Variants in RFTN2 observed in about 807,000 individuals in gnomAD.
RFTN2 encodes raftlin-2.
A neutral mutation model predicts 52.7 loss-of-function variants in RFTN2; 34 were observed. The ratio of observed to expected loss-of-function variants is 0.64; its 90% CI spans 0.49 to 0.86. The LOEUF (loss-of-function observed/expected upper bound fraction) is 0.86. Among genes scored for constraint, RFTN2 ranks in the 40% least tolerant of loss-of-function variants. The probability of loss-of-function intolerance (pLI) is 0.00; values close to 1 mark genes in which losing one functional copy is unlikely to be tolerated. For synonymous variants in RFTN2, 203 were observed against 217.7 expected (o/e 0.93, Z 0.59); for missense variants, 536 against 600.1 (o/e 0.89, Z 1.12).
At chr2:197,670,528 T>C (rs1328159632) in intron 1 of RFTN2, among the ~76,000 whole-genome samples, 4 of 152,190 alleles carry the variant, frequency 2.6e-5, no homozygotes, top group Non-Finnish European at 4.4e-5. Context: ...AATTAAAAAA[T>C]AAGCCAGGCA....
In RFTN2 at chr2:197,571,658, G is replaced by T; in HGVS notation, c.*350C>A. ...ACTTCCTGAGAACTCTCTCTAATTG[G>T]GTAAAATACTGATTGAGATATTCAG... is the stretch of plus-strand genomic sequence containing the variant. On this transcript the variant is annotated 3_prime_UTR_variant, in exon 9 of 9. Transcript: ENST00000295049. 4.3e-6 allele frequency: 1 copy of T among 231,986 alleles called. No individual in the cohort carries two copies. The highest frequency in any genetic ancestry group is 8.5e-6 in the Non-Finnish European group (1 of 118,196). 14.4% of individuals were successfully genotyped at this position (231,986 alleles called of 1,614,324 possible).
In RFTN2 at chr2:197,592,305, C is replaced by G. The variant is rs2087729333; in HGVS notation, c.1233+3686G>C. The stretch of plus-strand genomic sequence containing the variant: ...CTGCTTCCCAGGTTCAAGCAATTCT[C>G]CTGCCTCAGCTTCCTGAGTAGCTGG... On this transcript the variant is annotated intron_variant, in intron 8 of 8. Coordinates refer to ENST00000295049, the MANE Select transcript of RFTN2 (RefSeq NM_144629.3). 2.0e-5 allele frequency among the ~76,000 whole-genome samples: 3 copies of G among 152,212 alleles called. No homozygotes were observed. The South Asian group carries it at 6.2e-4, about 32-fold the overall frequency.
chr2:197,590,057 G>A (rs1016380222), intron 8 of RFTN2, among the ~76,000 whole-genome samples: 5 of 150,162 alleles, frequency 3.3e-5, no homozygotes, highest in East Asian at 3.9e-4. Flanking sequence ...ACCCGTGTGC[G>A]CCACCATGCC....
intron 1 of RFTN2, among the ~76,000 whole-genome samples, chr2:197,674,339 CAAAA>C (rs1222944678): frequency 1.2e-4 from 4 of 34,252 alleles, no homozygotes; most frequent in African/African-American, 2.4e-4. Flanking sequence ...TAGAGCAAAG[CAAAA>C]AAAAAAAAAA....
intron 8 of RFTN2, among the ~76,000 whole-genome samples, chr2:197,587,756 A>G (rs2087625425): frequency 6.6e-6 from 1 of 152,228 alleles, no homozygotes; most frequent in Admixed American, 6.5e-5. Context: ...ATCTTCAGCA[A>G]TCATATCACC....
chr2:197,674,958 A>G (rs1052834020), intron 1 of RFTN2, among the ~76,000 whole-genome samples: 3 of 152,180 alleles, frequency 2.0e-5, no homozygotes, highest in Admixed American at 6.5e-5. Flanking sequence ...ATAATACCTT[A>G]TTGTGATTTT....
At chr2:197,627,245 C>T (rs1229000217) in intron 5 of RFTN2, among the ~76,000 whole-genome samples, 2 of 152,212 alleles carry the variant, frequency 1.3e-5, no homozygotes, top group African/African-American at 4.8e-5. Flanking sequence ...TCCAGCTGCC[C>T]AGTCTCAGTG....
intron 8 of RFTN2, among the ~76,000 whole-genome samples, chr2:197,577,297 C>G (rs984396645): frequency 1.3e-5 from 2 of 152,232 alleles, no homozygotes; most frequent in African/African-American, 2.4e-5. Context: ...CTCATATATT[C>G]GGGGTTCACA....
chr2:197,624,338 G>T (rs2088317459), intron 5 of RFTN2, among the ~76,000 whole-genome samples: 1 of 151,942 alleles, frequency 6.6e-6, no homozygotes, highest in Non-Finnish European at 1.5e-5. Context: ...GGTGACTCAT[G>T]CCTGTAATCC....
At chr2:197,614,294 G>A (rs2088107461) in intron 7 of RFTN2, among the ~76,000 whole-genome samples, 1 of 152,172 alleles carries the variant, frequency 6.6e-6, no homozygotes, top group African/African-American at 2.4e-5. Flanking sequence ...TGGCGTGGCA[G>A]AGATAAGAGA....
chr2:197,630,215 TAC>T (rs2088446178), intron 5 of RFTN2, among the ~76,000 whole-genome samples: 1 of 137,796 alleles, frequency 7.3e-6, no homozygotes, highest in South Asian at 2.3e-4. Flanking sequence ...AGGTAATAAA[TAC>T]TAGGCTGATT....
At chr2:197,625,876 C>T (rs1422866971) in intron 5 of RFTN2, among the ~76,000 whole-genome samples, 6 of 151,136 alleles carry the variant, frequency 4.0e-5, no homozygotes, top group Non-Finnish European at 8.9e-5. Context: ...ACTGCAACCT[C>T]CACCTCCCAG....
chr2:197,639,473 A>C (rs1450809882), intron 3 of RFTN2, among the ~76,000 whole-genome samples: 33 of 148,130 alleles, frequency 2.2e-4, no homozygotes, highest in African/African-American at 8.2e-4. Context: ...TTCCCTTCTC[A>C]CTTCATTTCA....
At chr2:197,638,278 A>C (rs1199261439) in intron 3 of RFTN2, among the ~76,000 whole-genome samples, 7 of 102,064 alleles carry the variant, frequency 6.9e-5, no homozygotes, top group African/African-American at 9.5e-5. Context: ...AGCTGAGTTC[A>C]ATTCCTGGGT....
intron 8 of RFTN2, among the ~76,000 whole-genome samples, chr2:197,574,845 G>A (rs998656179): frequency 6.6e-6 from 1 of 151,152 alleles, no homozygotes. Context: ...TCTAGCCTGG[G>A]CAACAAGAGA....
chr2:197,601,908 G>A (rs942589459), intron 7 of RFTN2, among the ~76,000 whole-genome samples: 1 of 152,106 alleles, frequency 6.6e-6, no homozygotes, highest in Non-Finnish European at 1.5e-5. Context: ...GTATTAAAGT[G>A]TGACATAAAA....
At chr2:197,638,773 C>G in intron 3 of RFTN2, among the ~76,000 whole-genome samples, 1 of 114,238 alleles carries the variant, frequency 8.8e-6, no homozygotes, top group Non-Finnish European at 1.8e-5. Context: ...TGAATTTGAT[C>G]CTGTCATTAT....
intron 4 of RFTN2, among the ~76,000 whole-genome samples, chr2:197,632,339 G>A (rs1031073811): frequency 6.6e-6 from 1 of 152,124 alleles, no homozygotes; most frequent in Admixed American, 6.6e-5. Flanking sequence ...TCATGGGAGC[G>A]GTTTCCCCCA....
At chr2:197,644,017 A>G in intron 3 of RFTN2, 141 bp downstream of exon 3, 1 of 632,064 alleles carries the variant, frequency 1.6e-6, no homozygotes, top group Non-Finnish European at 2.8e-6. Flanking sequence ...CATTTGGCAC[A>G]AGTACTTCGA....
Sources: allele counts gnomAD v4.1 joint callset (sites outside exome capture counted in the v4.1 genomes callset), GRCh38; gene constraint gnomAD v4.1.1; transcripts MANE v1.5; gene names NCBI Gene and HGNC (gene_info 2026-07-23, HGNC 2026-07-21).